COTL1: variants seen among roughly 807,000 people sequenced by gnomAD.
COTL1 encodes the protein coactosin-like protein.
Under a neutral mutation model 16.5 loss-of-function variants are expected in COTL1, and 15 were observed. The observed-to-expected ratio is 0.91, with a 90% confidence interval of 0.61 to 1.40. The LOEUF (loss-of-function observed/expected upper bound fraction) is 1.40. COTL1 is among the 40% of genes most tolerant of loss of function. The pLI, the probability that COTL1 is intolerant of heterozygous loss-of-function variation, is 0.00. For missense variants in COTL1, 220 were observed against 201.5 expected, an observed-to-expected ratio of 1.09 and a Z score of -0.56; for synonymous variants, 112 against 85.3, an observed-to-expected ratio of 1.31 and a Z score of -1.73.
intron 2 of COTL1, among the ~76,000 whole-genome samples, chr16:84,603,433 G>T (rs1259025121): frequency 2.0e-5 from 3 of 152,160 alleles, no homozygotes; most frequent in Admixed American, 6.5e-5. Context: ...CAGCTCTGCC[G>T]TAAACACAGG....
chr16:84,571,321 G>A (rs987428027), intron 3 of COTL1, among the ~76,000 whole-genome samples: 26 of 152,160 alleles, frequency 1.7e-4, no homozygotes, highest in African/African-American at 5.3e-4. Context: ...CTGGAGGTCC[G>A]GGCTCCCTCT....
At chr16:84,567,122 A>G (rs1904302355) in intron 3 of COTL1, 167 bp from the exon 4 acceptor site, 2 of 584,022 alleles carry the variant, frequency 3.4e-6, no homozygotes, top group South Asian at 3.7e-5. Context: ...AGCAGAGTCA[A>G]TGGAAATTGA....
chr16:84,573,240 C>G (rs145651008), intron 3 of COTL1, among the ~76,000 whole-genome samples: 1 of 152,274 alleles, frequency 6.6e-6, no homozygotes, highest in Non-Finnish European at 1.5e-5. Flanking sequence ...CTTAGAAACG[C>G]TGTGTGCCCT....
intron 3 of COTL1, among the ~76,000 whole-genome samples, chr16:84,569,849 G>T (rs765680042): frequency 2.6e-5 from 4 of 152,246 alleles, no homozygotes; most frequent in Admixed American, 6.5e-5. Flanking sequence ...GAAGGAGGAA[G>T]CCAACAGCTT....
At chr16:84,577,469 T>A (rs1295345122) in intron 3 of COTL1, among the ~76,000 whole-genome samples, 1 of 152,186 alleles carries the variant, frequency 6.6e-6, no homozygotes, top group Non-Finnish European at 1.5e-5. Context: ...GGTCTTGAAC[T>A]CCTGACCTCA....
At chr16:84,602,806 G>A (rs978243980) in intron 2 of COTL1, among the ~76,000 whole-genome samples, 15 of 151,148 alleles carry the variant, frequency 9.9e-5, no homozygotes, top group Admixed American at 9.2e-4. Context: ...AGTAAGCTGA[G>A]ATCATGCCAC....
At chr16:84,577,725 C>T (rs1480041468) in intron 3 of COTL1, among the ~76,000 whole-genome samples, 2 of 152,146 alleles carry the variant, frequency 1.3e-5, no homozygotes, top group East Asian at 1.9e-4. Flanking sequence ...CAGAGGCACA[C>T]GGCTGTATTT....
rs775462498 is a variant in COTL1, at chr16:84,590,068, C to T, written c.318+37G>A. 1.3e-5 allele frequency: 20 copies of T among 1,580,300 alleles called. No homozygotes were observed. The highest frequency in any genetic ancestry group is 8.0e-5 in the South Asian group (7 of 87,586). ...CTCCTTGCAGGATGGTGACCCTTGG[C>T]GAGCTTTGACCTCCAGACTCTGGAG... On this transcript the variant is annotated intron_variant, in intron 3 of 3. Coordinates refer to ENST00000262428, the MANE Select transcript of COTL1 (RefSeq NM_021149.5). This position sits in a 1 kb window ranked among gnomAD's most constrained non-coding sequence, Gnocchi z 5.5.
chr16:84,599,467 A>AGT (rs1905070279), intron 2 of COTL1, among the ~76,000 whole-genome samples: 2 of 152,234 alleles, frequency 1.3e-5, no homozygotes, highest in African/African-American at 4.8e-5. Flanking sequence ...TTTTAGCGTA[A>AGT]GTCCTTTGGA....
At chr16:84,615,606 G>C (rs1905454873) in intron 2 of COTL1, among the ~76,000 whole-genome samples, 1 of 152,180 alleles carries the variant, frequency 6.6e-6, no homozygotes, top group Non-Finnish European at 1.5e-5. Context: ...CTCAGAGCCG[G>C]CAAAGCAGAA....
chr16:84,581,529 G>C (rs1269658170), intron 3 of COTL1, among the ~76,000 whole-genome samples: 1 of 152,070 alleles, frequency 6.6e-6, no homozygotes, highest in South Asian at 2.1e-4. Flanking sequence ...TTGAGATGGA[G>C]TATCACTCTG....
At chr16:84,574,254 G>A (rs962448078) in intron 3 of COTL1, among the ~76,000 whole-genome samples, 4 of 152,326 alleles carry the variant, frequency 2.6e-5, no homozygotes, top group East Asian at 3.9e-4. Flanking sequence ...CTGGGGATGC[G>A]TTCCTGGTGC....
chr16:84,612,346 G>C (rs530752364), intron 2 of COTL1, among the ~76,000 whole-genome samples: 9 of 152,136 alleles, frequency 5.9e-5, no homozygotes, highest in Non-Finnish European at 1.2e-4. Flanking sequence ...CCCGGGCCAA[G>C]GGTCTAATGC....
chr16:84,599,790 A>T (rs1469864205), intron 2 of COTL1, among the ~76,000 whole-genome samples: 2 of 151,916 alleles, frequency 1.3e-5, no homozygotes, highest in African/African-American at 4.8e-5. Context: ...ACACACCAAA[A>T]AGCTGAGCTG....
rs562472873 is a variant in COTL1, at chr16:84,573,335, G to C, written c.319-6380C>G. Among the ~76,000 whole-genome samples the C allele has an allele frequency of 2.7e-4, 41 of 152,350 alleles. 1 individual carries two copies. The highest frequency in any genetic ancestry group is 2.3e-3 in the South Asian group (11 of 4,828). On this transcript the variant is annotated intron_variant, in intron 3 of 3. Coordinates refer to ENST00000262428, the MANE Select transcript of COTL1 (RefSeq NM_021149.5). ...CGTGGCCAGCAACAGCGCAGGTCTAGACAGAACACGAAAGCGTCTGAAAGA... is the reference window on the plus strand; with the variant it reads ...CGTGGCCAGCAACAGCGCAGGTCTACACAGAACACGAAAGCGTCTGAAAGA...
chr16:84,596,847 T>G (rs1443535779), intron 2 of COTL1: 1 of 152,662 alleles, frequency 6.6e-6, no homozygotes, highest in Non-Finnish European at 1.5e-5. Context: ...TCCACTGCTC[T>G]GTCCTTAACA....
chr16:84,601,348 G>C (rs995652178), intron 2 of COTL1, among the ~76,000 whole-genome samples: 1 of 152,220 alleles, frequency 6.6e-6, no homozygotes, highest in African/African-American at 2.4e-5. Context: ...CTATGGCAAA[G>C]AGTTGTGACT....
chr16:84,592,773 G>A (rs1386735675), intron 2 of COTL1, among the ~76,000 whole-genome samples: 5 of 152,110 alleles, frequency 3.3e-5, no homozygotes, highest in African/African-American at 7.2e-5. Flanking sequence ...TCTCAAAACC[G>A]GAGGGGGTAA....
chr16:84,578,746 T>A (rs1904509060), intron 3 of COTL1, among the ~76,000 whole-genome samples: 1 of 142,108 alleles, frequency 7.0e-6, no homozygotes. Context: ...CTCACACACA[T>A]ACATGCACAT....
Sources: allele counts gnomAD v4.1 joint callset (sites outside exome capture counted in the v4.1 genomes callset), GRCh38; gene constraint gnomAD v4.1.1; non-coding constraint Gnocchi (gnomAD v3.1); transcripts MANE v1.5; gene names NCBI Gene and HGNC (gene_info 2026-07-23, HGNC 2026-07-21).